The following LRMDA variants were observed in gnomAD, a reference collection of about 807,000 sequenced individuals.
The protein encoded by LRMDA is leucine rich melanocyte differentiation associated.
Under a neutral mutation model 29.8 loss-of-function variants are expected in LRMDA, and 18 were observed. The ratio of observed to expected loss-of-function variants is 0.60; its 90% confidence interval spans 0.42 to 0.90. LRMDA has a LOEUF of 0.90. Among genes scored for constraint, LRMDA ranks in the 40% least tolerant of loss-of-function variants. The probability of loss-of-function intolerance (pLI) is 0.00; values close to 1 mark genes in which losing one functional copy is unlikely to be tolerated. For missense variants in LRMDA, 273 were observed against 273.9 expected, an observed-to-expected ratio of 1.00 and a Z score of 0.02; for synonymous variants, 125 against 109.4, an observed-to-expected ratio of 1.14 and a Z score of -0.89.
intron 6 of LRMDA, among the ~76,000 whole-genome samples, chr10:76,448,459 A>C (rs1210631880): frequency 1.3e-5 from 2 of 152,138 alleles, no homozygotes; most frequent in East Asian, 3.8e-4. Context: ...TTTGATCCAA[A>C]TACGCTATTT....
chr10:76,432,283 CAGAGCCCTG>C (rs1431059337), intron 6 of LRMDA, among the ~76,000 whole-genome samples: 3 of 152,152 alleles, frequency 2.0e-5, no homozygotes, highest in Non-Finnish European at 4.4e-5. Context: ...TAGATCTCCA[CAGAGCCCTG>C]AGCTGTAGGG....
chr10:76,347,488 G>T (rs1054956650), intron 6 of LRMDA, among the ~76,000 whole-genome samples: 1 of 152,126 alleles, frequency 6.6e-6, no homozygotes, highest in East Asian at 1.9e-4. Flanking sequence ...AGATACCTCC[G>T]TGTGACTGCA....
intron 5 of LRMDA, among the ~76,000 whole-genome samples, chr10:76,114,708 G>A (rs76885804): frequency 6.6e-6 from 1 of 152,274 alleles, no homozygotes; most frequent in South Asian, 2.1e-4. Flanking sequence ...TGCCAGATGA[G>A]AGATGATTTA....
intron 5 of LRMDA, among the ~76,000 whole-genome samples, chr10:76,276,156 T>G (rs1248141899): frequency 6.6e-6 from 1 of 152,068 alleles, no homozygotes; most frequent in East Asian, 1.9e-4. Context: ...TTTGCTGTTG[T>G]TGTTGAGAAT....
At chr10:75,793,173 T>C (rs1843597541) in intron 2 of LRMDA, among the ~76,000 whole-genome samples, 1 of 152,150 alleles carries the variant, frequency 6.6e-6, no homozygotes, top group African/African-American at 2.4e-5. Context: ...CCTGACACAA[T>C]TGAGCTGGTG....
Position 76,027,244 on chromosome 10 carries a change from A to G in LRMDA, c.132-8764A>G, listed in dbSNP as rs187475121. ...AGGGGCCAGGAGAGTAGTAGAGTGG[A>G]TTGGGATCAGATTTGCTTCTGTGGT... On this transcript the variant is annotated intron_variant, in intron 2 of 6. Coordinates refer to ENST00000611255, the MANE Select transcript of LRMDA (RefSeq NM_001305581.2). 4.6e-5 allele frequency among the ~76,000 whole-genome samples: 7 copies of G among 152,288 alleles called. No homozygotes were observed. In the East Asian group the frequency reaches 1.4e-3, roughly 29 times the overall value.
intron 2 of LRMDA, among the ~76,000 whole-genome samples, chr10:75,828,512 G>A (rs542784957): frequency 6.6e-6 from 1 of 152,272 alleles, no homozygotes; most frequent in South Asian, 2.1e-4. Context: ...CCATTTGGAA[G>A]TTATTGAGTT....
chr10:75,959,935 A>G (rs1306412725), intron 2 of LRMDA, among the ~76,000 whole-genome samples: 2 of 152,226 alleles, frequency 1.3e-5, no homozygotes, highest in Admixed American at 6.5e-5. Flanking sequence ...TTTGCAAAAA[A>G]TATAAGTGGA....
intron 2 of LRMDA, among the ~76,000 whole-genome samples, chr10:75,672,880 T>G (rs1254549747): frequency 6.6e-6 from 1 of 151,558 alleles, no homozygotes. Flanking sequence ...CCCTTTGTAT[T>G]GTTTCCTTCC....
chr10:76,240,339 C>T (rs1274571823), intron 5 of LRMDA, among the ~76,000 whole-genome samples: 1 of 150,730 alleles, frequency 6.6e-6, no homozygotes, highest in Non-Finnish European at 1.5e-5. Flanking sequence ...GAATGGAAAA[C>T]CAAACATCAT....
intron 5 of LRMDA, among the ~76,000 whole-genome samples, chr10:76,078,361 A>G (rs115274533): frequency 0.013 from 2,028 of 152,232 alleles, 51 homozygotes; most frequent in African/African-American, 0.046. Flanking sequence ...CTATTTAAGC[A>G]CAGACGTTCC....
At chr10:76,326,196 G>A (rs1209646135) in intron 6 of LRMDA, among the ~76,000 whole-genome samples, 7 of 152,124 alleles carry the variant, frequency 4.6e-5, no homozygotes, top group African/African-American at 1.4e-4. Context: ...AGAGAAGACC[G>A]AAGAAGTTCA....
chr10:75,459,423 A>T (rs1844558797), intron 2 of LRMDA, among the ~76,000 whole-genome samples: 1 of 152,174 alleles, frequency 6.6e-6, no homozygotes, highest in South Asian at 2.1e-4. Context: ...GGAGGCCTCA[A>T]CCATACCTCT....
chr10:75,742,582 G>A (rs1369815503), intron 2 of LRMDA, among the ~76,000 whole-genome samples: 2 of 152,230 alleles, frequency 1.3e-5, no homozygotes, highest in Admixed American at 1.3e-4. Context: ...ATCACATGAA[G>A]TTCCTTTTTC....
intron 2 of LRMDA, among the ~76,000 whole-genome samples, chr10:75,868,849 G>T (rs1013143005): frequency 2.0e-5 from 3 of 152,134 alleles, no homozygotes; most frequent in African/African-American, 7.2e-5. Context: ...TTCTCCACCA[G>T]GGTCCTTAAC....
At chr10:76,165,667 C>A (rs1165686512) in intron 5 of LRMDA, among the ~76,000 whole-genome samples, 3 of 152,200 alleles carry the variant, frequency 2.0e-5, no homozygotes, top group Admixed American at 6.5e-5. Flanking sequence ...ACATATCCTT[C>A]TTCACATGGC....
intron 6 of LRMDA, among the ~76,000 whole-genome samples, chr10:76,518,319 C>CTATCTATCTATCTATT (rs961252631): frequency 6.6e-6 from 1 of 150,982 alleles, no homozygotes; most frequent in Non-Finnish European, 1.5e-5. Flanking sequence ...ATCTATCTAT[C>CTATCTATCTATCTATT]TATCTATCAT....
intron 2 of LRMDA, among the ~76,000 whole-genome samples, chr10:75,853,227 A>G (rs1046883616): frequency 1.3e-5 from 2 of 152,306 alleles, no homozygotes; most frequent in South Asian, 4.1e-4. Flanking sequence ...AGGAAAACTC[A>G]TTCTTACTTT....
intron 5 of LRMDA, among the ~76,000 whole-genome samples, chr10:76,244,624 G>A (rs1270215421): frequency 6.6e-6 from 1 of 152,144 alleles, no homozygotes; most frequent in Admixed American, 6.5e-5. Context: ...CACACAAGGA[G>A]GTCTCAGGGT....
Sources: allele counts gnomAD v4.1 joint callset (sites outside exome capture counted in the v4.1 genomes callset), GRCh38; gene constraint gnomAD v4.1.1; transcripts MANE v1.5; gene names NCBI Gene and HGNC (gene_info 2026-07-23, HGNC 2026-07-21).